The following FHIP2A variants were observed in gnomAD, a reference collection of about 807,000 sequenced individuals.
The protein encoded by FHIP2A is FHF complex subunit HOOK interacting protein 2A.
Under a neutral mutation model 93.5 loss-of-function variants are expected in FHIP2A, and 46 were observed. That is an observed-to-expected ratio of 0.49 (90% CI 0.39 to 0.63). The LOEUF (loss-of-function observed/expected upper bound fraction) is 0.63. Ranked by LOEUF, FHIP2A falls within the 20% of genes least tolerant of loss-of-function variation. FHIP2A has a pLI of 0.00. For synonymous variants in FHIP2A, 332 were observed against 326.5 expected (o/e 1.02, Z -0.18); for missense variants, 769 against 909.7 (o/e 0.85, Z 1.99).
At chr10:114,875,083 G>A (rs1455599272) in intron 16 of FHIP2A, among the ~76,000 whole-genome samples, 1 of 152,162 alleles carries the variant, frequency 6.6e-6, no homozygotes, top group East Asian at 1.9e-4. Context: ...AACATGAGGC[G>A]CCGCTAAGTG....
intron 16 of FHIP2A, among the ~76,000 whole-genome samples, chr10:114,880,472 G>C (rs1033092661): frequency 2.0e-5 from 3 of 152,148 alleles, no homozygotes; most frequent in African/African-American, 7.2e-5. Flanking sequence ...ATGAGGCCAG[G>C]AGTTGGAGAC....
intron 5 of FHIP2A, among the ~76,000 whole-genome samples, chr10:114,837,645 A>G (rs1350385498): frequency 6.6e-6 from 1 of 152,218 alleles, no homozygotes; most frequent in African/African-American, 2.4e-5. Flanking sequence ...TGTTACCACC[A>G]CAATCAAGAT....
chr10:114,883,269 C>T (rs2083925909), intron 16 of FHIP2A, among the ~76,000 whole-genome samples: 1 of 152,138 alleles, frequency 6.6e-6, no homozygotes, highest in Admixed American at 6.5e-5. Context: ...TTCCAAGGGA[C>T]TTTTGGATCA....
In FHIP2A at chr10:114,862,580, A is replaced by G. The variant is rs41284358; in HGVS notation, c.*1040A>G. 375,188 of 986,572 alleles carry G rather than the reference A, an allele frequency of 0.38. 73,131 individuals are homozygous for G. Among genetic ancestry groups the G allele is most frequent in the Non-Finnish European group, 0.4 (329,290 of 829,642 alleles). 61.1% of individuals were successfully genotyped at this position (986,572 alleles called of 1,614,324 possible). A position where few individuals can be genotyped will look rare whatever the true frequency, so the allele number is the denominator to read the frequency against. On this transcript the variant is annotated 3_prime_UTR_variant, in exon 17 of 17. Coordinates refer to ENST00000369248, the MANE Select transcript of FHIP2A (RefSeq NM_020940.4). ...AAGAAAACAGAGTTTTAAATGTCCT[A>G]TTTACATGTTAAAGGATTTGGGGAA...
intron 5 of FHIP2A, among the ~76,000 whole-genome samples, chr10:114,841,599 T>C (rs2083669530): frequency 6.6e-6 from 1 of 152,142 alleles, no homozygotes; most frequent in Non-Finnish European, 1.5e-5. Flanking sequence ...TGCCATTGAT[T>C]TTGTTGGAAA....
rs1006708951 is a variant in FHIP2A at position 114,890,079 on chromosome 10, G to A, written c.2193-9411G>A. On this transcript the variant is annotated intron_variant, in intron 16 of 16. Transcript: ENST00000369250. ...GTTTCACTCTGTTGCCCAGGCTGGC[G>A]TGCAGTGGCATGATCTCAACTCACT... Among the ~76,000 whole-genome samples, 6 of 151,972 alleles carry A rather than the reference G, an allele frequency of 3.9e-5. No individual in the cohort carries two copies. The East Asian group carries it at 5.8e-4, about 15-fold the overall frequency.
chr10:114,868,373 A>T (rs1469358606), downstream of FHIP2A, among the ~76,000 whole-genome samples: 1 of 152,132 alleles, frequency 6.6e-6, no homozygotes, highest in East Asian at 1.9e-4. Context: ...TACGCTCCTT[A>T]TAAAAATCTA....
intron 16 of FHIP2A, among the ~76,000 whole-genome samples, chr10:114,892,432 G>A (rs2083979832): frequency 6.6e-6 from 1 of 152,186 alleles, no homozygotes; most frequent in South Asian, 2.1e-4. Flanking sequence ...GAGGTCAGGA[G>A]TTGGAGAGCA....
chr10:114,873,130 T>C (rs1162504148), intron 16 of FHIP2A, among the ~76,000 whole-genome samples: 2 of 152,232 alleles, frequency 1.3e-5, no homozygotes. Context: ...GGGCTGGTGT[T>C]CAGACCTCTG....
At position 114,822,027 on chromosome 10, in the gene FHIP2A, C is replaced by T. The variant is rs2083527833; in HGVS notation, c.-52C>T. 1.4e-5 allele frequency: 17 copies of T among 1,192,762 alleles called. No homozygotes were observed. The highest frequency in any genetic ancestry group is 1.6e-5 in the Non-Finnish European group (15 of 934,494). 73.9% of individuals were successfully genotyped at this position (1,192,762 alleles called of 1,614,324 possible). ...CGCAGCAGGGGCGGCGGCGGCGGAT[C>T]GAGGAGCTCTCCAGGTCGTCCCGGG... On this transcript the variant is annotated 5_prime_UTR_variant, in exon 1 of 17. Coordinates refer to ENST00000369248, the MANE Select transcript of FHIP2A (RefSeq NM_020940.4).
In FHIP2A at chr10:114,845,403, A is replaced by G; in HGVS notation, c.1050A>G (p.Ala350=). ...DSYSHKEDAS[A]FPGKRALISF... ...ATAGTCATAAAGAAGATGCTTCAGC[A>G]TTTCCAGGAAAACGAGCCTTAATTT... is the stretch of plus-strand genomic sequence containing the variant. Residue 350 remains alanine (A), a synonymous_variant, in exon 8 of 17, where the codon GCA becomes GCG. Coordinates refer to ENST00000369248, the MANE Select transcript of FHIP2A (RefSeq NM_020940.4). 1 of 1,613,442 alleles carries G rather than the reference A, an allele frequency of 6.2e-7. No individual in the cohort carries two copies. The highest frequency in any genetic ancestry group is 1.1e-5 in the South Asian group (1 of 91,058).
intron 5 of FHIP2A, among the ~76,000 whole-genome samples, chr10:114,840,237 A>T (rs1018987461): frequency 1.3e-5 from 2 of 152,208 alleles, no homozygotes; most frequent in African/African-American, 4.8e-5. Flanking sequence ...AAAAATAAAT[A>T]AATACAGACA....
chr10:114,887,031 C>T (rs978831365), intron 16 of FHIP2A, among the ~76,000 whole-genome samples: 2 of 152,200 alleles, frequency 1.3e-5, no homozygotes, highest in Non-Finnish European at 2.9e-5. Context: ...AGCATCATGT[C>T]TGTCCAACTC....
intron 13 of FHIP2A, among the ~76,000 whole-genome samples, chr10:114,849,689 A>G (rs1176997828): frequency 1.3e-5 from 2 of 152,244 alleles, no homozygotes; most frequent in African/African-American, 2.4e-5. Flanking sequence ...TTATGCAACC[A>G]TCATCACTAT....
chr10:114,871,571 A>G (rs577143634), intron 16 of FHIP2A, among the ~76,000 whole-genome samples: 1 of 152,090 alleles, frequency 6.6e-6, no homozygotes, highest in Non-Finnish European at 1.5e-5. Context: ...TCCAACATTG[A>G]TGTAACCAAC....
chr10:114,844,519 G>T (rs1200553662), intron 7 of FHIP2A, among the ~76,000 whole-genome samples: 1 of 152,102 alleles, frequency 6.6e-6, no homozygotes, highest in Admixed American at 6.5e-5. Context: ...TATTTTTAAC[G>T]TGTCTTTCTT....
chr10:114,823,577 C>T (rs941547835), intron 1 of FHIP2A, among the ~76,000 whole-genome samples: 4 of 151,892 alleles, frequency 2.6e-5, no homozygotes, highest in African/African-American at 4.8e-5. Flanking sequence ...TCACTGCAAC[C>T]TCCGCCTCCC....
At chr10:114,881,368 C>T (rs555175668) in intron 16 of FHIP2A, among the ~76,000 whole-genome samples, 1 of 152,290 alleles carries the variant, frequency 6.6e-6, no homozygotes, top group East Asian at 1.9e-4. Flanking sequence ...TGTTTTATCA[C>T]TTTCCTGGGG....
chr10:114,850,915 TTTG>T (rs989867628), intron 13 of FHIP2A, among the ~76,000 whole-genome samples: 15 of 152,122 alleles, frequency 9.9e-5, no homozygotes, highest in South Asian at 4.2e-4. Context: ...TGTTTGTTTG[TTTG>T]TTGTTGTTGT....
Sources: allele counts gnomAD v4.1 joint callset (sites outside exome capture counted in the v4.1 genomes callset), GRCh38; gene constraint gnomAD v4.1.1; transcripts MANE v1.5; gene names NCBI Gene and HGNC (gene_info 2026-07-23, HGNC 2026-07-21).